The following SYNE4 variants were observed in gnomAD, a reference collection of about 807,000 sequenced individuals.
SYNE4 encodes the protein spectrin repeat containing nuclear envelope family member 4.
In SYNE4, 41 loss-of-function variants were observed where a neutral mutation model predicts 46.9. That is an observed-to-expected ratio of 0.87 (90% CI 0.68 to 1.13). SYNE4 has a LOEUF of 1.13. Among genes scored for constraint, SYNE4 ranks in the 50% most tolerant of loss-of-function variants. The pLI is 0.00. For synonymous variants in SYNE4, 221 were observed against 219.5 expected (o/e 1.01, Z -0.06); for missense variants, 492 against 514.8 (o/e 0.96, Z 0.43).
At chr19:36,005,012 C>T (rs1976799612) in intron 6 of SYNE4, among the ~76,000 whole-genome samples, 1 of 151,528 alleles carries the variant, frequency 6.6e-6, no homozygotes, top group Non-Finnish European at 1.5e-5. Context: ...GGATTACAGG[C>T]ATGCGCCACC....
At chr19:36,007,862 A>T (rs1968425462) in intron 2 of SYNE4, among the ~76,000 whole-genome samples, 1 of 151,920 alleles carries the variant, frequency 6.6e-6, no homozygotes, top group African/African-American at 2.4e-5. Context: ...CATCTCTACT[A>T]AAAATACAAA....
At chr19:36,007,293 G>A (rs1314562176) in intron 2 of SYNE4, 25 bp from the exon 3 acceptor site, 1 of 1,575,716 alleles carries the variant, frequency 6.3e-7, no homozygotes, top group Non-Finnish European at 8.6e-7. Context: ...AGCCAGGTCA[G>A]GGCCAGTGGG....
In SYNE4 at chr19:36,005,417, G is replaced by C; in HGVS notation, c.888C>G (p.Ser296=). 1 of 1,614,012 alleles carries C rather than the reference G, an allele frequency of 6.2e-7. No homozygotes were observed. Among genetic ancestry groups the C allele is most frequent in the Non-Finnish European group, 8.5e-7 (1 of 1,179,952 alleles). The change falls in exon 6 of 8, where the codon TCC becomes TCG. Residue 296 remains serine, a synonymous_variant. Transcript: ENST00000324444. ...QGLEEADTSH[S]RQDMLESGLG... is the part of the protein sequence containing the mutation. ...GGCCAGACTCCAGCATGTCCTGTCG[G>C]GAGTGAGAGGTGTCTGCTTCCTGGA... is the stretch of plus-strand genomic sequence containing the variant.
intron 3 of SYNE4, 47 bp downstream of exon 3, chr19:36,007,078 A>G (rs1293807689): frequency 2.3e-5 from 37 of 1,575,600 alleles, no homozygotes; most frequent in Non-Finnish European, 3.0e-5. Context: ...GCTGGCACCC[A>G]CTGCTGGGGC....
Position 36,003,419 on chromosome 19 carries a change from C to T in SYNE4, c.1133G>A (p.Gly378Glu), listed in dbSNP as rs773794960. ...VGAMFLLPAS[G>E]GPCCSHARIP... is the part of the protein sequence containing the mutation. ...TCGGGCATGAGAGCAGCAGGGGCCT[C>T]CTGACGCGGGCAGGAGAAACATGGC... The change falls in exon 8 of 8, where the codon GGA (glycine) becomes GAA (glutamate). Residue 378 changes from glycine to glutamate, a missense_variant. Physicochemically the swap from Gly to Glu is moderately conservative, Grantham distance 98. Transcript: ENST00000324444. 4.3e-6 allele frequency: 7 copies of T among 1,613,794 alleles called. No individual in the cohort carries two copies. The highest frequency in any genetic ancestry group is 1.3e-5 in the African/African-American group (1 of 74,884).
chr19:36,008,613 A>AG lies in SYNE4; in HGVS notation c.68dup (p.Arg24Ter). ...TGCATCCAACAATGTCCGCCTCTCT[A>AG]GGTGCTCCCGGTGGGTGGTTGAGGG... is the stretch of plus-strand genomic sequence containing the variant. On this transcript the variant is annotated frameshift_variant, in exon 1 of 8. Coordinates refer to ENST00000324444, the MANE Select transcript of SYNE4 (RefSeq NM_001039876.3). LOFTEE classifies it high-confidence loss of function. 6.2e-7 allele frequency: 1 copy of AG among 1,613,994 alleles called. No individual in the cohort carries two copies. The highest frequency in any genetic ancestry group is 8.5e-7 in the Non-Finnish European group (1 of 1,179,926).
At position 36,003,353 on chromosome 19, in the gene SYNE4, CCATTGACATAGCTGAGCACCAG is replaced by C; in HGVS notation, c.1177_1198del (p.Leu393ValfsTer?). On this transcript the variant is annotated frameshift_variant, in exon 8 of 8. Transcript: ENST00000324444. LOFTEE classifies it high-confidence loss of function. ...TTACACACATCAGACTGGGGGAAGA[CCATTGACATAGCTGAGCACCAG>C]GTAGGGTGTCCTGGGTATTCGGGCA... is the stretch of plus-strand genomic sequence containing the variant. The C allele has an allele frequency of 6.2e-7, 1 of 1,614,020 alleles. No individual in the cohort carries two copies. Among genetic ancestry groups the C allele is most frequent in the Non-Finnish European group, 8.5e-7 (1 of 1,179,998 alleles).
chr19:36,008,663 G>C lies in SYNE4; in HGVS notation c.19C>G (p.Leu7Val), dbSNP rs774065121. 3 of 1,613,210 alleles carry C rather than the reference G, an allele frequency of 1.9e-6. No individual in the cohort carries two copies. Among genetic ancestry groups the C allele is most frequent in the Non-Finnish European group, 2.5e-6 (3 of 1,179,686 alleles). Residue 7 changes from leucine to valine, a missense_variant, in exon 1 of 8, where the codon CTG (leucine) becomes GTG (valine). By Grantham distance (32) the Leu-to-Val change is conservative (BLOSUM62 1). Coordinates refer to ENST00000324444, the MANE Select transcript of SYNE4 (RefSeq NM_001039876.3). MALSLP[L>V]GPRLGSEPLN... ...GGCTCTGAGCCAAGTCTAGGGCCCA[G>C]AGGCAGGGACAGGGCCATGGCTGGG...
intron 6 of SYNE4, among the ~76,000 whole-genome samples, chr19:36,003,975 C>A (rs1006182451): frequency 1.3e-4 from 20 of 152,130 alleles, no homozygotes; most frequent in African/African-American, 4.8e-4. Context: ...CTCAGCCTCC[C>A]AAACTGCTGG....
Position 36,003,504 on chromosome 19 carries a change from A to G in SYNE4, c.1048T>C (p.Ser350Pro). 1.2e-6 allele frequency: 2 copies of G among 1,602,016 alleles called. No individual in the cohort carries two copies. The highest frequency in any genetic ancestry group is 2.2e-5 in the South Asian group (2 of 89,590). Reference sequence around the variant, plus strand: ...AGGAGGAAGGTCAGAGGCTGCCTGGATGCAGGATCGGGGGCCCTGTGAAGG... The same window carrying G: ...AGGAGGAAGGTCAGAGGCTGCCTGGGTGCAGGATCGGGGGCCCTGTGAAGG... ...EGNPGAPDPA[S>P]RQPLTFLLIL... The change falls in exon 8 of 8, where the codon TCC becomes CCC. Residue 350 changes from serine to proline, a missense_variant. By Grantham distance (74) the Ser-to-Pro change is moderately conservative (BLOSUM62 -1). Transcript: ENST00000324444.
intron 5 of SYNE4, 119 bp from the exon 6 acceptor site, chr19:36,005,556 G>T: frequency 1.3e-6 from 1 of 798,880 alleles, no homozygotes. Context: ...CAGAGCCAAA[G>T]AAACCAAGAG....
Position 36,005,345 on chromosome 19 carries a change from G to A in SYNE4, c.960C>T (p.Leu320=), listed in dbSNP as rs778774322. The A allele has an allele frequency of 6.2e-7, 1 of 1,614,084 alleles. No individual in the cohort carries two copies. Among genetic ancestry groups the A allele is most frequent in the Admixed American group, 1.7e-5 (1 of 60,016 alleles). Residue 320 remains leucine, a synonymous_variant, in exon 6 of 8, where the codon CTC becomes CTT. Coordinates refer to ENST00000324444, the MANE Select transcript of SYNE4 (RefSeq NM_001039876.3). ...AGAACTGGCTCACCTGAGGCTTCCGGAGCAGGGAGTGTCTTTGGTGACGTG... is the reference window on the plus strand; with the variant it reads ...AGAACTGGCTCACCTGAGGCTTCCGAAGCAGGGAGTGTCTTTGGTGACGTG... ...RLARHQRHSL[L]RKPQDKKRQA... is the part of the protein sequence containing the mutation.
Position 36,007,225 on chromosome 19 carries a change from C to G in SYNE4, c.323G>C (p.Ser108Thr). 6.3e-7 allele frequency: 1 copy of G among 1,592,138 alleles called. No individual in the cohort carries two copies. Among genetic ancestry groups the G allele is most frequent in the Non-Finnish European group, 8.5e-7 (1 of 1,170,030 alleles). Residue 108 changes from serine (S) to threonine (T), a missense_variant, in exon 3 of 8, where the codon AGC (serine) becomes ACC (threonine). Ser to Thr is a moderately conservative substitution (Grantham distance 58). Transcript: ENST00000324444. ...GLEVLEAEQNSLHLCLLGLGR... is the reference protein window; with the variant it reads ...GLEVLEAEQNTLHLCLLGLGR... ...CAGCCCCAGCAGGCACAGGTGCAGG[C>G]TGTTCTGCTCAGCCTCTAGTACCTC...
Position 36,008,377 on chromosome 19 carries a change from A to G in SYNE4, c.129-10T>C. ...CTGGGCCTGCTCTGGGCTAGGAGGC[A>G]GGGGGCGGTGACTGGGTGAGTCTCG... On this transcript the variant is annotated splice_polypyrimidine_tract_variant and intron_variant, in intron 1 of 7. Transcript: ENST00000324444. 6.4e-7 allele frequency: 1 copy of G among 1,557,776 alleles called. No individual in the cohort carries two copies.
chr19:36,007,702 C>A (rs1297412502), intron 2 of SYNE4: 2 of 515,050 alleles, frequency 3.9e-6, no homozygotes, highest in Non-Finnish European at 5.0e-6. Flanking sequence ...CATGGTGAGA[C>A]ATCATCTCTA....
rs1568532720 is a variant in SYNE4 at position 36,008,568 on chromosome 19, TC to T, written c.113del (p.Gly38GlufsTer65). 6.2e-7 allele frequency: 1 copy of T among 1,613,652 alleles called. No homozygotes were observed. The highest frequency in any genetic ancestry group is 2.2e-5 in the East Asian group (1 of 44,874). On this transcript the variant is annotated frameshift_variant, in exon 1 of 8. Transcript: ENST00000324444. LOFTEE classifies it high-confidence loss of function. ...IVGCTVCPAS[G>X]EESTSPEQAQ... Reference sequence around the variant, plus strand: ...CCGGCCCCCACCTCGTGCTCTCCTCTCCGGACGCGGGGCAGACGGTGCATCC... The same window carrying T: ...CCGGCCCCCACCTCGTGCTCTCCTCTCGGACGCGGGGCAGACGGTGCATCC...
rs746374169 is a variant in SYNE4, at chr19:36,006,605, G to T, written c.685C>A (p.Pro229Thr). ...EVEGDSDWPG[P>T]GGVWGPWAPS... is the part of the protein sequence containing the mutation. Reference sequence around the variant, plus strand: ...GCCCAGGGCCCCCAGACCCCACCAGGTCCTGGCCAGTCCGAGTCTCCCTCG... The same window carrying T: ...GCCCAGGGCCCCCAGACCCCACCAGTTCCTGGCCAGTCCGAGTCTCCCTCG... Residue 229 changes from proline (P) to threonine (T), a missense_variant, in exon 5 of 8, where the codon CCT becomes ACT. Transcript: ENST00000324444. 1 of 1,609,494 alleles carries T rather than the reference G, an allele frequency of 6.2e-7. No individual in the cohort carries two copies. The highest frequency in any genetic ancestry group is 8.5e-7 in the Non-Finnish European group (1 of 1,177,998).
In SYNE4 at chr19:36,008,634, G is replaced by A; in HGVS notation, c.48C>T (p.Leu16=). 2 of 1,613,990 alleles carry A rather than the reference G, an allele frequency of 1.2e-6. No homozygotes were observed. Among genetic ancestry groups the A allele is most frequent in the Non-Finnish European group, 1.7e-6 (2 of 1,179,912 alleles). ...PLGPRLGSEP[L]NHPPGAPREA... ...CTCTAGGTGCTCCCGGTGGGTGGTT[G>A]AGGGGCTCTGAGCCAAGTCTAGGGC... is the stretch of plus-strand genomic sequence containing the variant. The change falls in exon 1 of 8, where the codon CTC becomes CTT. Residue 16 remains leucine, a synonymous_variant. Coordinates refer to ENST00000324444, the MANE Select transcript of SYNE4 (RefSeq NM_001039876.3).
At chr19:36,006,970 C>T (rs1285109644) in intron 3 of SYNE4, 26 bp from the exon 4 acceptor site, 26 of 1,536,824 alleles carry the variant, frequency 1.7e-5, no homozygotes, top group Non-Finnish European at 2.3e-5. Context: ...CATCACCCCA[C>T]GCACACACCA....
Sources: allele counts gnomAD v4.1 joint callset (sites outside exome capture counted in the v4.1 genomes callset), GRCh38; gene constraint gnomAD v4.1.1; transcripts MANE v1.5; gene names NCBI Gene and HGNC (gene_info 2026-07-23, HGNC 2026-07-21).